The following NRG1 variants were observed in gnomAD, a reference collection of about 807,000 sequenced individuals.
The protein encoded by NRG1 is neuregulin 1.
A neutral mutation model predicts 63.8 loss-of-function variants in NRG1; 18 were observed. The ratio of observed to expected loss-of-function variants is 0.28; its 90% CI spans 0.19 to 0.42. NRG1 has a LOEUF of 0.42. Among genes scored for constraint, NRG1 ranks in the 10% least tolerant of loss-of-function variants. The pLI is 1.00. For missense variants in NRG1, 762 were observed against 814.7 expected (o/e 0.94, Z 0.79); for synonymous variants, 302 against 301.3 (o/e 1.00, Z -0.02).
rs1325669543 is a variant in NRG1 at position 32,321,511 on chromosome 8, T to G, written c.38-274317T>G. Among the ~76,000 whole-genome samples the G allele has an allele frequency of 9.1e-5, 9 of 99,190 alleles. No individual in the cohort carries two copies. In the South Asian group the frequency reaches 1.8e-3, roughly 20 times the overall value. 65.1% of individuals were successfully genotyped at this position (99,190 alleles called of 152,430 possible). ...AAAAAAAAAATCTGACAGCAGTGGG[T>G]TTTTTTTTTTTCTTCTTCTTCTTTT... On this transcript the variant is annotated intron_variant, in intron 1 of 10. Transcript: ENST00000519301.
intron 1 of NRG1, among the ~76,000 whole-genome samples, chr8:32,163,572 T>A (rs1839080767): frequency 6.6e-6 from 1 of 152,220 alleles, no homozygotes; most frequent in African/African-American, 2.4e-5. Flanking sequence ...TTTTACTTGC[T>A]CACTGCCTAC....
chr8:31,978,974 A>G (rs897354939), intron 1 of NRG1, among the ~76,000 whole-genome samples: 6 of 152,172 alleles, frequency 3.9e-5, no homozygotes. Flanking sequence ...CTTTAAAAAC[A>G]ATAAAACTTT....
At chr8:32,154,796 A>T (rs9773182) in intron 1 of NRG1, among the ~76,000 whole-genome samples, 13,651 of 152,244 alleles carry the variant, frequency 0.09, 1,440 homozygotes, top group African/African-American at 0.26. Context: ...ATCAGGAAAC[A>T]TATTCCAAAC....
At position 31,753,198 on chromosome 8, in the gene NRG1, C is replaced by A. The variant is rs141210855; in HGVS notation, c.37+113767C>A. On this transcript the variant is annotated intron_variant, in intron 1 of 10. Coordinates refer to the NRG1 transcript ENST00000519301. ...TTGATATTTTACTTTTATACAGAAG[C>A]CACCTTCCAAAGTAGATTTATCATA... 3.8e-3 allele frequency among the ~76,000 whole-genome samples: 584 copies of A among 152,054 alleles called. 1 individual carries two copies. The highest frequency in any genetic ancestry group is 0.02 in the Middle Eastern group (6 of 294).
At chr8:32,759,552 C>A (rs1830325126) in intron 10 of NRG1, 116 bp downstream of exon 10, 10 of 1,284,924 alleles carry the variant, frequency 7.8e-6, no homozygotes, top group Non-Finnish European at 1.1e-5. Flanking sequence ...TGGGCAGCAA[C>A]AGATTTTGAA....
At chr8:32,131,554 T>G (rs1229330383) in intron 1 of NRG1, among the ~76,000 whole-genome samples, 4 of 152,050 alleles carry the variant, frequency 2.6e-5, no homozygotes, top group African/African-American at 9.7e-5. Flanking sequence ...TACATCAATA[T>G]CCATGTTGAT....
At chr8:31,988,670 A>C (rs912251655) in intron 1 of NRG1, among the ~76,000 whole-genome samples, 8 of 152,106 alleles carry the variant, frequency 5.3e-5, no homozygotes, top group Admixed American at 2.0e-4. Flanking sequence ...AAGGTAATAC[A>C]TACATAGCAA....
intron 1 of NRG1, among the ~76,000 whole-genome samples, chr8:32,349,919 G>C (rs1351345170): frequency 6.6e-6 from 1 of 152,222 alleles, no homozygotes; most frequent in African/African-American, 2.4e-5. Flanking sequence ...AAGCACACTT[G>C]ATTTCAAAAT....
At chr8:32,176,950 C>A (rs1476644078) in intron 1 of NRG1, among the ~76,000 whole-genome samples, 6 of 152,068 alleles carry the variant, frequency 3.9e-5, no homozygotes, top group Non-Finnish European at 4.4e-5. Context: ...ACTAGAAATA[C>A]CATTTGACCC....
At chr8:31,643,162 C>T (rs1283490481) in intron 1 of NRG1, among the ~76,000 whole-genome samples, 2 of 152,156 alleles carry the variant, frequency 1.3e-5, no homozygotes, top group Non-Finnish European at 1.5e-5. Context: ...CTGATTTGTT[C>T]TGGTTGAGCT....
At chr8:32,282,045 A>G (rs568187952) in intron 1 of NRG1, among the ~76,000 whole-genome samples, 115 of 152,320 alleles carry the variant, frequency 7.5e-4, no homozygotes, top group African/African-American at 2.7e-3. Flanking sequence ...CCGCTCACAG[A>G]GTCTGGTGGG....
chr8:31,674,895 G>T (rs1807522637), intron 1 of NRG1, among the ~76,000 whole-genome samples: 1 of 152,170 alleles, frequency 6.6e-6, no homozygotes, highest in Admixed American at 6.5e-5. Context: ...GTACTGTGGG[G>T]TAGCACTATC....
chr8:32,547,590 A>C (rs938070802), upstream of NRG1, among the ~76,000 whole-genome samples: 60 of 148,496 alleles, frequency 4.0e-4, no homozygotes, highest in African/African-American at 1.4e-3. Context: ...GCACTTACTA[A>C]ACACACACAC....
rs184670874 is a variant in NRG1 at position 31,669,023 on chromosome 8, C to T, written c.37+29592C>T. ...ATTTATGTTTCATATACAACTTATA[C>T]GCATAGCCTGAAGGTAATTTTACAT... is the stretch of plus-strand genomic sequence containing the variant. On this transcript the variant is annotated intron_variant, in intron 1 of 10. Coordinates refer to the NRG1 transcript ENST00000519301. 4.3e-3 allele frequency among the ~76,000 whole-genome samples: 660 copies of T among 152,180 alleles called. 8 individuals are homozygous for T. The highest frequency in any genetic ancestry group is 0.015 in the African/African-American group (625 of 41,518).
chr8:32,104,506 A>T (rs1831004289), intron 1 of NRG1, among the ~76,000 whole-genome samples: 1 of 152,138 alleles, frequency 6.6e-6, no homozygotes, highest in African/African-American at 2.4e-5. Flanking sequence ...TTCTTTCTTC[A>T]ATAATAAATT....
chr8:32,019,596 G>A (rs150625411), intron 1 of NRG1, among the ~76,000 whole-genome samples: 16 of 152,156 alleles, frequency 1.1e-4, no homozygotes, highest in African/African-American at 3.9e-4. Context: ...TTTGTTTGTT[G>A]AAACTTTGCT....
intron 1 of NRG1, among the ~76,000 whole-genome samples, chr8:31,693,060 G>T (rs955713793): frequency 3.3e-5 from 5 of 152,142 alleles, no homozygotes; most frequent in Admixed American, 3.3e-4. Flanking sequence ...AAAGGCCTTA[G>T]CTAATCTCCA....
Position 32,091,062 on chromosome 8 carries a change from G to A in NRG1, c.37+451631G>A, listed in dbSNP as rs563005948. Among the ~76,000 whole-genome samples the A allele has an allele frequency of 7.5e-4, 114 of 152,256 alleles. 1 individual carries two copies. In the Middle Eastern group the frequency reaches 0.01, roughly 14 times the overall value. On this transcript the variant is annotated intron_variant, in intron 1 of 10. Coordinates refer to the NRG1 transcript ENST00000519301. The stretch of plus-strand genomic sequence containing the variant: ...TGGGAGGCCGAGGTGGGCGGATCAC[G>A]AGGTCAGGAGATCGAGACCATCCTG...
chr8:31,954,792 T>C (rs992886778), intron 1 of NRG1, among the ~76,000 whole-genome samples: 4 of 152,170 alleles, frequency 2.6e-5, no homozygotes, highest in South Asian at 2.1e-4. Flanking sequence ...CTTGACAAGA[T>C]AGCGATTTCC....
Sources: allele counts gnomAD v4.1 joint callset (sites outside exome capture counted in the v4.1 genomes callset), GRCh38; gene constraint gnomAD v4.1.1; transcripts MANE v1.5; gene names NCBI Gene and HGNC (gene_info 2026-07-23, HGNC 2026-07-21).